Variants in ENTHD1 observed in about 807,000 individuals in gnomAD.
ENTHD1 encodes the protein ENTH domain-containing protein 1.
In ENTHD1, 23 loss-of-function variants were observed where a neutral mutation model predicts 39.1. That is an observed-to-expected ratio of 0.59 (90% CI 0.42 to 0.83). The LOEUF (loss-of-function observed/expected upper bound fraction) is 0.83. ENTHD1 is among the 40% of genes least tolerant of loss of function. The probability of loss-of-function intolerance (pLI) is 0.00; values close to 1 mark genes in which losing one functional copy is unlikely to be tolerated. For missense variants in ENTHD1, 624 were observed against 705.4 expected, an observed-to-expected ratio of 0.88 and a Z score of 1.31; for synonymous variants, 230 against 258.2, an observed-to-expected ratio of 0.89 and a Z score of 1.05.
chr22:39,827,283 G>A (rs2065834716), intron 4 of ENTHD1, among the ~76,000 whole-genome samples: 1 of 152,064 alleles, frequency 6.6e-6, no homozygotes, highest in African/African-American at 2.4e-5. Flanking sequence ...TCAAAGAGCT[G>A]GGATTACAGG....
intron 3 of ENTHD1, among the ~76,000 whole-genome samples, chr22:39,844,797 C>T (rs970029395): frequency 2.6e-5 from 4 of 151,872 alleles, no homozygotes; most frequent in Non-Finnish European, 5.9e-5. Flanking sequence ...CCACTTATGA[C>T]GGAGGAGAGG....
intron 1 of ENTHD1, among the ~76,000 whole-genome samples, chr22:39,892,848 T>C (rs937808632): frequency 2.0e-5 from 3 of 152,204 alleles, no homozygotes; most frequent in Non-Finnish European, 4.4e-5. Context: ...GGAAAATGGT[T>C]ATAGAGACTA....
chr22:39,798,638 G>A (rs932779182), intron 5 of ENTHD1, among the ~76,000 whole-genome samples: 2 of 152,176 alleles, frequency 1.3e-5, no homozygotes, highest in South Asian at 2.1e-4. Flanking sequence ...GCAACAACAA[G>A]CTGAGGGTGC....
chr22:39,843,871 G>A (rs756645488), intron 3 of ENTHD1, among the ~76,000 whole-genome samples: 1 of 152,150 alleles, frequency 6.6e-6, no homozygotes, highest in Non-Finnish European at 1.5e-5. Context: ...AGAGCCCACA[G>A]CCAACACCCT....
chr22:39,824,286 T>C (rs1057470184), intron 4 of ENTHD1, among the ~76,000 whole-genome samples: 3 of 129,534 alleles, frequency 2.3e-5, no homozygotes, highest in Non-Finnish European at 3.1e-5. Context: ...CTCGGCTCAC[T>C]GCAACCTCCG....
At chr22:39,855,252 G>A (rs2066075533) in intron 3 of ENTHD1, among the ~76,000 whole-genome samples, 1 of 152,082 alleles carries the variant, frequency 6.6e-6, no homozygotes, top group African/African-American at 2.4e-5. Flanking sequence ...GGCCTACAAT[G>A]GTTCCTAGTT....
rs545243276 is a variant in ENTHD1, at chr22:39,880,504, G to A, written c.349+6896C>T. 1.9e-3 allele frequency among the ~76,000 whole-genome samples: 284 copies of A among 152,212 alleles called. 3 individuals are homozygous for A. The highest frequency in any genetic ancestry group is 1.9e-3 in the Non-Finnish European group (128 of 68,010). Reference sequence around the variant, plus strand: ...GGGTAAAAATGATACATAACTGTACGTTCATCGATTGTAACAAATGTACCA... The same window carrying A: ...GGGTAAAAATGATACATAACTGTACATTCATCGATTGTAACAAATGTACCA... On this transcript the variant is annotated intron_variant, in intron 2 of 6. Transcript: ENST00000325157.
chr22:39,863,040 C>A (rs1179796388), intron 2 of ENTHD1, among the ~76,000 whole-genome samples: 1 of 152,200 alleles, frequency 6.6e-6, no homozygotes, highest in Admixed American at 6.5e-5. Flanking sequence ...ATCTTGGAAG[C>A]AGACAGCAGC....
intron 2 of ENTHD1, among the ~76,000 whole-genome samples, chr22:39,878,768 A>G (rs1019212252): frequency 2.0e-5 from 3 of 152,100 alleles, no homozygotes; most frequent in African/African-American, 4.8e-5. Context: ...CAGAAAAGGA[A>G]TAAGTGAAAA....
At chr22:39,783,223 A>G in intron 5 of ENTHD1, among the ~76,000 whole-genome samples, 1 of 152,170 alleles carries the variant, frequency 6.6e-6, no homozygotes, top group East Asian at 1.9e-4. Flanking sequence ...TTTAACCAAA[A>G]AAGTGGAAGA....
At chr22:39,818,458 G>A (rs1481052266) in intron 5 of ENTHD1, among the ~76,000 whole-genome samples, 1 of 152,182 alleles carries the variant, frequency 6.6e-6, no homozygotes, top group Non-Finnish European at 1.5e-5. Context: ...AAAGTAACTG[G>A]AACAAAGACA....
At chr22:39,876,122 G>A in intron 2 of ENTHD1, 1 of 1,585,310 alleles carries the variant, frequency 6.3e-7, no homozygotes, top group Non-Finnish European at 8.6e-7. Context: ...TTAGAGACTT[G>A]GACTCAAGTC....
At chr22:39,890,325 A>G (rs1308634096) in intron 1 of ENTHD1, among the ~76,000 whole-genome samples, 3 of 151,742 alleles carry the variant, frequency 2.0e-5, no homozygotes, top group Admixed American at 6.6e-5. Flanking sequence ...CTGATTTATA[A>G]TATTTCAGCA....
intron 3 of ENTHD1, among the ~76,000 whole-genome samples, chr22:39,850,610 G>A (rs1015934599): frequency 2.0e-5 from 3 of 151,338 alleles, no homozygotes; most frequent in South Asian, 2.1e-4. Context: ...TATGCTTTTT[G>A]CCCTTTATAA....
intron 5 of ENTHD1, among the ~76,000 whole-genome samples, chr22:39,768,233 C>T (rs1410841300): frequency 2.0e-5 from 3 of 152,118 alleles, no homozygotes; most frequent in Non-Finnish European, 4.4e-5. Context: ...GAAAATCCTT[C>T]AAAAATTGCC....
At chr22:39,848,258 A>T (rs894271199) in intron 3 of ENTHD1, among the ~76,000 whole-genome samples, 12 of 145,574 alleles carry the variant, frequency 8.2e-5, no homozygotes, top group African/African-American at 3.0e-4. Flanking sequence ...TAATTAATTA[A>T]TTTTTTTTTT....
intron 2 of ENTHD1, among the ~76,000 whole-genome samples, chr22:39,887,197 A>G (rs371783840): frequency 1.1e-4 from 16 of 152,258 alleles, no homozygotes; most frequent in African/African-American, 3.9e-4. Context: ...CACATGCTAT[A>G]AACTTTTTAA....
intron 2 of ENTHD1, among the ~76,000 whole-genome samples, chr22:39,865,926 CA>C (rs1569174220): frequency 6.6e-6 from 1 of 152,200 alleles, no homozygotes. Context: ...GAAATGCTTG[CA>C]TTTTCTCTTC....
intron 5 of ENTHD1, among the ~76,000 whole-genome samples, chr22:39,785,209 T>G (rs2065445818): frequency 6.6e-6 from 1 of 152,054 alleles, no homozygotes; most frequent in Non-Finnish European, 1.5e-5. Flanking sequence ...TTAAGAGAAA[T>G]GCTGATGGAG....
Sources: gnomAD v4.1 joint callset for allele counts (sites outside exome capture counted in the v4.1 genomes callset) on GRCh38, gnomAD v4.1.1 for gene constraint, MANE v1.5 for transcripts, NCBI Gene and HGNC (gene_info 2026-07-23, HGNC 2026-07-21) for gene names.